The following AATF variants were observed in gnomAD, a reference collection of about 807,000 sequenced individuals.
AATF encodes the protein apoptosis antagonizing transcription factor.
AATF carries 48 observed loss-of-function variants against 63.7 expected under a neutral mutation model. The ratio of observed to expected loss-of-function variants is 0.75; its 90% CI spans 0.60 to 0.96. The LOEUF is 0.96. Among genes scored for constraint, AATF ranks in the 40% least tolerant of loss-of-function variants. The probability of loss-of-function intolerance (pLI) is 0.00; values close to 1 mark genes in which losing one functional copy is unlikely to be tolerated. For missense variants in AATF, 639 were observed against 685.7 expected (o/e 0.93, Z 0.76); for synonymous variants, 258 against 247.7 (o/e 1.04, Z -0.39).
rs372958380 is a variant in AATF, at chr17:37,034,984, G to A, written c.1619+3299G>A. 2.0e-5 allele frequency: 3 copies of A among 151,598 alleles called. No homozygotes were observed. In the South Asian group the frequency reaches 6.3e-4, roughly 32 times the overall value. 9.4% of individuals were successfully genotyped at this position (151,598 alleles called of 1,614,324 possible). A position where few individuals can be genotyped will look rare whatever the true frequency, so the allele number is the denominator to read the frequency against. On this transcript the variant is annotated intron_variant, in intron 11 of 11. Coordinates refer to ENST00000619387, the MANE Select transcript of AATF (RefSeq NM_012138.4). ...ACTAAAAATACAAAAAATTAGCCGG[G>A]CGTGGTGGTGGGCGCCTGTAGTCCC...
chr17:37,002,170 C>T (rs1402840226), intron 8 of AATF, among the ~76,000 whole-genome samples: 3 of 147,262 alleles, frequency 2.0e-5, no homozygotes, highest in Non-Finnish European at 4.5e-5. Flanking sequence ...CCACTGCACT[C>T]CAGTCTGGGC....
At chr17:36,961,226 G>A (rs2070944572) in intron 4 of AATF, among the ~76,000 whole-genome samples, 1 of 152,058 alleles carries the variant, frequency 6.6e-6, no homozygotes, top group African/African-American at 2.4e-5. Flanking sequence ...GTATTGATGG[G>A]TGCTTAGGTT....
At chr17:36,951,090 C>G (rs1420415378) in intron 2 of AATF, among the ~76,000 whole-genome samples, 1 of 152,068 alleles carries the variant, frequency 6.6e-6, no homozygotes, top group East Asian at 1.9e-4. Context: ...AGTCTGTGCG[C>G]TTATAGTTTT....
At chr17:36,960,269 C>T (rs1334206597) in intron 4 of AATF, among the ~76,000 whole-genome samples, 1 of 152,168 alleles carries the variant, frequency 6.6e-6, no homozygotes, top group Non-Finnish European at 1.5e-5. Context: ...GCCTCGGCCT[C>T]CCAAAGTGCT....
In AATF at chr17:36,969,129, G is replaced by T. The variant is rs73283982; in HGVS notation, c.832+15222G>T. Among the ~76,000 whole-genome samples the T allele has an allele frequency of 1.4e-3, 208 of 152,174 alleles. 1 individual carries two copies. Among genetic ancestry groups the T allele is most frequent in the African/African-American group, 4.9e-3 (203 of 41,488 alleles). ...ATTGGGAACTTTGTATGTTGGATGG[G>T]GCTTTTTGTCTATGGTTTCCATTGT... On this transcript the variant is annotated intron_variant, in intron 4 of 11. Coordinates refer to ENST00000619387, the MANE Select transcript of AATF (RefSeq NM_012138.4).
At chr17:37,027,954 G>A (rs1234396464) in intron 10 of AATF, among the ~76,000 whole-genome samples, 1 of 152,060 alleles carries the variant, frequency 6.6e-6, no homozygotes, top group Admixed American at 6.6e-5. Context: ...TGAGGCCTAA[G>A]GACATTAAAA....
chr17:36,974,725 C>T (rs2071066862), intron 4 of AATF, among the ~76,000 whole-genome samples: 1 of 152,110 alleles, frequency 6.6e-6, no homozygotes, highest in African/African-American at 2.4e-5. Context: ...TTACATTTCC[C>T]AATGTTTAAT....
intron 4 of AATF, among the ~76,000 whole-genome samples, chr17:36,970,400 TA>T (rs1258789946): frequency 3.9e-5 from 6 of 152,172 alleles, no homozygotes; most frequent in Non-Finnish European, 7.3e-5. Context: ...AGTTACTTTT[TA>T]AAAAAGTTAC....
rs1404223779 is a variant in AATF, at chr17:36,990,792, C to T, written c.1333C>T (p.Pro445Ser). The change falls in exon 8 of 12, where the codon CCT becomes TCT. Residue 445 changes from proline to serine, a missense_variant. By Grantham distance (74) the Pro-to-Ser change is moderately conservative. Transcript: ENST00000619387. The stretch of plus-strand genomic sequence containing the variant: ...AACATAGGAGATCCTTCCTCAAGCC[C>T]CTGCTAATGCTCATCTGAAGGACTT... ...PGEPEILPQA[P>S]ANAHLKDLDE... 2 of 1,591,966 alleles carry T rather than the reference C, an allele frequency of 1.3e-6. No homozygotes were observed. The highest frequency in any genetic ancestry group is 2.7e-5 in the African/African-American group (2 of 73,354).
At chr17:36,971,666 G>A (rs935750373) in intron 4 of AATF, among the ~76,000 whole-genome samples, 1 of 152,068 alleles carries the variant, frequency 6.6e-6, no homozygotes, top group Non-Finnish European at 1.5e-5. Flanking sequence ...ACCAAAAACT[G>A]GAAACAGCCC....
intron 8 of AATF, among the ~76,000 whole-genome samples, chr17:36,992,004 G>A (rs1013310271): frequency 6.6e-6 from 1 of 152,178 alleles, no homozygotes; most frequent in African/African-American, 2.4e-5. Context: ...TGTTTATCAA[G>A]ATAATTTTTT....
intron 4 of AATF, among the ~76,000 whole-genome samples, chr17:36,971,199 G>A (rs1446068038): frequency 6.6e-6 from 1 of 151,942 alleles, no homozygotes; most frequent in Non-Finnish European, 1.5e-5. Flanking sequence ...TGTGTCCAGA[G>A]TGTATAAAGA....
chr17:36,985,552 T>C (rs1375890113), intron 4 of AATF, among the ~76,000 whole-genome samples: 8 of 151,728 alleles, frequency 5.3e-5, no homozygotes, highest in Middle Eastern at 3.2e-3. Context: ...TTTTTTTGTT[T>C]TGTTTTTTCC....
At chr17:36,954,043 T>A in intron 4 of AATF, 136 bp downstream of exon 4, 4 of 605,542 alleles carry the variant, frequency 6.6e-6, no homozygotes, top group Non-Finnish European at 1.1e-5. Context: ...CCCCTCCCCA[T>A]CCCCCTTGGC....
intron 2 of AATF, 112 bp from the exon 3 acceptor site, chr17:36,952,774 G>C: frequency 6.8e-7 from 1 of 1,474,872 alleles, no homozygotes. Flanking sequence ...ATTGAGTGCA[G>C]TAAGAGATTT....
chr17:36,984,993 C>T (rs531134881), intron 4 of AATF, among the ~76,000 whole-genome samples: 2 of 151,688 alleles, frequency 1.3e-5, no homozygotes, highest in Non-Finnish European at 2.9e-5. Context: ...CCTCTGCCTC[C>T]CAGGTTCAAG....
chr17:37,040,577 G>T (rs1205005213), intron 11 of AATF, among the ~76,000 whole-genome samples: 1 of 152,190 alleles, frequency 6.6e-6, no homozygotes, highest in Non-Finnish European at 1.5e-5. Context: ...AGTGGAACAG[G>T]TGTGTGCATC....
At chr17:37,009,356 G>C (rs2071366856) in intron 8 of AATF, among the ~76,000 whole-genome samples, 1 of 149,964 alleles carries the variant, frequency 6.7e-6, no homozygotes, top group Admixed American at 6.6e-5. Context: ...TGTTGGCCAG[G>C]CTGGTCTCAA....
chr17:36,976,461 C>T (rs562989208), intron 4 of AATF, among the ~76,000 whole-genome samples: 7 of 152,240 alleles, frequency 4.6e-5, no homozygotes, highest in African/African-American at 1.4e-4. Flanking sequence ...TCTTGGGCCA[C>T]AGTATTTGTT....
Sources: gnomAD v4.1 joint callset for allele counts (sites outside exome capture counted in the v4.1 genomes callset) on GRCh38, gnomAD v4.1.1 for gene constraint, MANE v1.5 for transcripts, NCBI Gene and HGNC (gene_info 2026-07-23, HGNC 2026-07-21) for gene names.